Variants in CDYL observed in about 807,000 individuals in gnomAD.
CDYL encodes chromodomain Y-like protein.
In CDYL, 8 loss-of-function variants were observed where a neutral mutation model predicts 47.3. The observed-to-expected ratio is 0.17, with a 90% confidence interval of 0.10 to 0.31. CDYL has a LOEUF of 0.31. Among genes scored for constraint, CDYL ranks in the 10% least tolerant of loss-of-function variants. The pLI is 1.00. For missense variants in CDYL, 471 were observed against 701.4 expected, an observed-to-expected ratio of 0.67 and a Z score of 3.71; for synonymous variants, 266 against 265.0, an observed-to-expected ratio of 1.00 and a Z score of -0.04.
chr6:4,746,905 G>A (rs955124627), intron 3 of CDYL, among the ~76,000 whole-genome samples: 1 of 152,060 alleles, frequency 6.6e-6, no homozygotes, highest in Non-Finnish European at 1.5e-5. Flanking sequence ...TCTACTCTTG[G>A]GGGTCCTGCT....
At chr6:4,870,644 A>G (rs1226149161) in intron 1 of CDYL, among the ~76,000 whole-genome samples, 1 of 151,950 alleles carries the variant, frequency 6.6e-6, no homozygotes, top group Non-Finnish European at 1.5e-5. Context: ...CATTACATGT[A>G]TGTCTGCACT....
At position 4,784,540 on chromosome 6, in the gene CDYL, A is replaced by C. The variant is rs111938692; in HGVS notation, c.24+7733A>C. ...ACAGTAGTTTTCAAGAGGACTGTTT[A>C]TGAAAATGGATTATAATAGTTATAA... On this transcript the variant is annotated intron_variant, in intron 1 of 6. Transcript: ENST00000397588. Among the ~76,000 whole-genome samples the C allele has an allele frequency of 5.4e-3, 821 of 152,376 alleles. 11 individuals carry two copies. Among genetic ancestry groups the C allele is most frequent in the African/African-American group, 0.019 (789 of 41,580 alleles).
In CDYL at chr6:4,925,409, C is replaced by CTTTT. The variant is rs58457972; in HGVS notation, c.692-10089_692-10086dup. On this transcript the variant is annotated intron_variant, in intron 2 of 6. Coordinates refer to ENST00000397588, the MANE Select transcript of CDYL (RefSeq NM_004824.4). Reference sequence around the variant, plus strand: ...CTCATTACAGGAGCTATTCTTTTTTCTTTTTTTTTTTTTTTTTTTTGAGAC... The same window carrying CTTTT: ...CTCATTACAGGAGCTATTCTTTTTTCTTTTTTTTTTTTTTTTTTTTTTTTGAGAC... Among the ~76,000 whole-genome samples the CTTTT allele has an allele frequency of 1.3e-3, 137 of 109,272 alleles. 2 individuals are homozygous for CTTTT. The highest frequency in any genetic ancestry group is 1.4e-3 in the East Asian group (5 of 3,574). The allele number at this position is 109,272 out of a possible 152,430, so 71.7% of individuals were successfully genotyped here. A position where few individuals can be genotyped will look rare whatever the true frequency, so the allele number is the denominator to read the frequency against.
chr6:4,828,571 A>G (rs1354305846), intron 1 of CDYL, among the ~76,000 whole-genome samples: 1 of 152,054 alleles, frequency 6.6e-6, no homozygotes, highest in Non-Finnish European at 1.5e-5. Context: ...TGCTTCCAAT[A>G]GTTTGATTAT....
At chr6:4,797,289 C>G (rs1346374771) in intron 1 of CDYL, among the ~76,000 whole-genome samples, 1 of 152,178 alleles carries the variant, frequency 6.6e-6, no homozygotes, top group Non-Finnish European at 1.5e-5. Flanking sequence ...GAAAACACAT[C>G]AATAATACTT....
At chr6:4,724,452 C>A (rs755454979) in intron 2 of CDYL, 6 of 152,494 alleles carry the variant, frequency 3.9e-5, no homozygotes, top group East Asian at 1.9e-4. Context: ...AATGTCTATA[C>A]CCTGAAGCAA....
chr6:4,889,558 TA>T (rs1471217954), intron 1 of CDYL, among the ~76,000 whole-genome samples: 2 of 152,158 alleles, frequency 1.3e-5, no homozygotes, highest in Admixed American at 1.3e-4. Context: ...ATCAAAAGAA[TA>T]ATAATATTTT....
chr6:4,887,145 T>C (rs538368014), intron 1 of CDYL, among the ~76,000 whole-genome samples: 96 of 152,348 alleles, frequency 6.3e-4, no homozygotes, highest in Non-Finnish European at 1.3e-3. Context: ...TTCAACTTTT[T>C]CTTCTTTTTG....
chr6:4,882,998 A>G (rs1196042649), intron 1 of CDYL, among the ~76,000 whole-genome samples: 1 of 152,168 alleles, frequency 6.6e-6, no homozygotes, highest in Non-Finnish European at 1.5e-5. Flanking sequence ...AGATGTTACC[A>G]TGACTGTGGG....
intron 2 of CDYL, chr6:4,715,890 T>A: frequency 1.2e-6 from 2 of 1,612,428 alleles, no homozygotes; most frequent in Non-Finnish European, 1.7e-6. Context: ...CGGTAAGAAC[T>A]TGCAGGAATC....
At chr6:4,895,116 T>C (rs1242529834) in intron 2 of CDYL, among the ~76,000 whole-genome samples, 1 of 150,816 alleles carries the variant, frequency 6.6e-6, no homozygotes. Context: ...TGTATCTATA[T>C]GCATATATAT....
chr6:4,739,668 T>C (rs1014596915), intron 3 of CDYL, among the ~76,000 whole-genome samples: 2 of 152,066 alleles, frequency 1.3e-5, no homozygotes, highest in Non-Finnish European at 2.9e-5. Context: ...AAAAAGGTGA[T>C]TGAGGCCGGG....
Position 4,829,988 on chromosome 6 carries a change from C to T in CDYL, c.24+53181C>T, listed in dbSNP as rs1009869869. ...TCACTTGTCTGCTGCCAATCTTTGA[C>T]TTATTTCCAGAGTCCTGATAATGTT... On this transcript the variant is annotated intron_variant, in intron 1 of 6. Coordinates refer to ENST00000397588, the MANE Select transcript of CDYL (RefSeq NM_004824.4). 2.0e-5 allele frequency among the ~76,000 whole-genome samples: 3 copies of T among 152,352 alleles called. No homozygotes were observed. In the East Asian group the frequency reaches 5.8e-4, roughly 29 times the overall value.
At chr6:4,766,337 G>A (rs1758251288) in intron 3 of CDYL, among the ~76,000 whole-genome samples, 1 of 151,888 alleles carries the variant, frequency 6.6e-6, no homozygotes, top group South Asian at 2.1e-4. Flanking sequence ...AGCCTCCTGA[G>A]TAGCTGGGAT....
At chr6:4,906,510 A>T (rs1207672923) in intron 2 of CDYL, among the ~76,000 whole-genome samples, 2 of 152,244 alleles carry the variant, frequency 1.3e-5, no homozygotes, top group East Asian at 3.8e-4. Context: ...GAAAAAGAAC[A>T]GGACCACACA....
intron 3 of CDYL, among the ~76,000 whole-genome samples, chr6:4,770,463 A>G (rs1758322286): frequency 6.6e-6 from 1 of 152,232 alleles, no homozygotes; most frequent in Admixed American, 6.5e-5. Flanking sequence ...TGCTTGCTGA[A>G]TTAAATAGCT....
At chr6:4,906,048 G>A (rs1414393383) in intron 2 of CDYL, among the ~76,000 whole-genome samples, 4 of 152,072 alleles carry the variant, frequency 2.6e-5, no homozygotes, top group African/African-American at 4.8e-5. Flanking sequence ...AAGATGACGT[G>A]GTCTCTAAGG....
intron 3 of CDYL, 83 bp from the exon 4 acceptor site, chr6:4,937,478 AGAGT>A (rs1159073886): frequency 9.4e-7 from 1 of 1,064,626 alleles, no homozygotes; most frequent in Non-Finnish European, 1.3e-6. Context: ...CCTGAGCAAC[AGAGT>A]GAGACTCTCT....
chr6:4,724,117 TATAACCTTG>T (rs1228843910), intron 2 of CDYL, among the ~76,000 whole-genome samples: 2 of 152,246 alleles, frequency 1.3e-5, no homozygotes, highest in Non-Finnish European at 2.9e-5. Flanking sequence ...CTTGGCTCAC[TATAACCTTG>T]ACCTCCTGGG....
Sources: gnomAD v4.1 joint callset for allele counts (sites outside exome capture counted in the v4.1 genomes callset) on GRCh38, gnomAD v4.1.1 for gene constraint, MANE v1.5 for transcripts, NCBI Gene and HGNC (gene_info 2026-07-23, HGNC 2026-07-21) for gene names.